The following LHFPL2 variants were observed in gnomAD, a reference collection of about 807,000 sequenced individuals.
LHFPL2 encodes the protein LHFPL tetraspan subfamily member 2.
A neutral mutation model predicts 17.5 loss-of-function variants in LHFPL2; 7 were observed. The observed-to-expected ratio is 0.40, with a 90% CI of 0.23 to 0.75. The LOEUF is 0.75. Among genes scored for constraint, LHFPL2 ranks in the 30% least tolerant of loss-of-function variants. The pLI is 0.37. For missense variants in LHFPL2, 241 were observed against 294.8 expected, an observed-to-expected ratio of 0.82 and a Z score of 1.34; for synonymous variants, 134 against 116.2, an observed-to-expected ratio of 1.15 and a Z score of -0.99.
At chr5:78,620,634 A>G (rs1177580687) in intron 2 of LHFPL2, among the ~76,000 whole-genome samples, 1 of 152,160 alleles carries the variant, frequency 6.6e-6, no homozygotes, top group Admixed American at 6.5e-5. Context: ...ATGGGGAAGC[A>G]AGGTTCTACT....
In LHFPL2 at chr5:78,487,765, G is replaced by A. The variant is rs886412628; in HGVS notation, c.*1132C>T. The A allele has an allele frequency of 6.6e-6, 1 of 152,178 alleles. No individual in the cohort carries two copies. The highest frequency in any genetic ancestry group is 2.4e-5 in the African/African-American group (1 of 41,444). The allele number at this position is 152,178 out of a possible 1,614,324, so 9.4% of individuals were successfully genotyped here. A position where few individuals can be genotyped will look rare whatever the true frequency, so the allele number is the denominator to read the frequency against. On this transcript the variant is annotated 3_prime_UTR_variant, in exon 5 of 5. Coordinates refer to ENST00000380345, the MANE Select transcript of LHFPL2 (RefSeq NM_005779.3). ...TAACTTTGTCCTCTGTGCTTTCCTGGAATTAAGGTCTTGGCTGCAGTTCTT... is the reference window on the plus strand; with the variant it reads ...TAACTTTGTCCTCTGTGCTTTCCTGAAATTAAGGTCTTGGCTGCAGTTCTT...
At chr5:78,529,551 T>C (rs1755718129) in intron 3 of LHFPL2, among the ~76,000 whole-genome samples, 1 of 152,040 alleles carries the variant, frequency 6.6e-6, no homozygotes, top group African/African-American at 2.4e-5. Flanking sequence ...AAGGCTGGCA[T>C]GTAGCATACG....
intron 2 of LHFPL2, among the ~76,000 whole-genome samples, chr5:78,603,038 G>A (rs1339816124): frequency 3.3e-5 from 5 of 152,122 alleles, no homozygotes; most frequent in East Asian, 1.9e-4. Context: ...CTACAGGCGC[G>A]TGCCACCACA....
intron 4 of LHFPL2, among the ~76,000 whole-genome samples, chr5:78,504,879 T>A (rs955370674): frequency 4.6e-5 from 7 of 152,228 alleles, no homozygotes; most frequent in African/African-American, 7.2e-5. Context: ...TTGCTAAGGC[T>A]GTCCTGCTGG....
chr5:78,531,192 G>A (rs1755771906), intron 3 of LHFPL2, among the ~76,000 whole-genome samples: 1 of 151,782 alleles, frequency 6.6e-6, no homozygotes, highest in Non-Finnish European at 1.5e-5. Context: ...GAGGCAGGCG[G>A]ATCACCTGAG....
intron 3 of LHFPL2, among the ~76,000 whole-genome samples, chr5:78,555,420 T>C (rs1756546025): frequency 6.6e-6 from 1 of 152,210 alleles, no homozygotes; most frequent in South Asian, 2.1e-4. Context: ...TATTTCTAAT[T>C]GGGAAAACAG....
At chr5:78,616,947 C>T (rs1257264068) in intron 2 of LHFPL2, among the ~76,000 whole-genome samples, 1 of 152,178 alleles carries the variant, frequency 6.6e-6, no homozygotes, top group African/African-American at 2.4e-5. Context: ...TCTGGAAGAA[C>T]TCATAAGGTA....
intron 1 of LHFPL2, among the ~76,000 whole-genome samples, chr5:78,634,658 G>A (rs1004243597): frequency 6.6e-6 from 1 of 152,160 alleles, no homozygotes; most frequent in Non-Finnish European, 1.5e-5. Context: ...ATAGCCATAT[G>A]GACTCACCTG....
At chr5:78,607,824 G>C (rs1580853261) in intron 2 of LHFPL2, among the ~76,000 whole-genome samples, 1 of 152,184 alleles carries the variant, frequency 6.6e-6, no homozygotes, top group African/African-American at 2.4e-5. Flanking sequence ...TATGCATCTT[G>C]CTTGTTGTTG....
At chr5:78,533,503 G>GT (rs1040522294) in intron 3 of LHFPL2, among the ~76,000 whole-genome samples, 27 of 152,324 alleles carry the variant, frequency 1.8e-4, no homozygotes, top group African/African-American at 5.5e-4. Flanking sequence ...TATGGAAAAG[G>GT]TAAGTATAAG....
intron 2 of LHFPL2, among the ~76,000 whole-genome samples, chr5:78,592,620 A>G (rs1358376589): frequency 8.1e-6 from 1 of 123,502 alleles, no homozygotes; most frequent in East Asian, 2.1e-4. Flanking sequence ...AAAAATTCAG[A>G]TACACACACA....
chr5:78,593,214 C>G (rs1340855390), intron 2 of LHFPL2, among the ~76,000 whole-genome samples: 1 of 152,112 alleles, frequency 6.6e-6, no homozygotes, highest in African/African-American at 2.4e-5. Flanking sequence ...GGAGCAGACA[C>G]AGTATCTGCA....
intron 3 of LHFPL2, among the ~76,000 whole-genome samples, chr5:78,537,965 T>A (rs556826853): frequency 1.4e-4 from 22 of 152,306 alleles, no homozygotes; most frequent in African/African-American, 4.6e-4. Flanking sequence ...ATGGGGAATG[T>A]GTGAGGCCAT....
At chr5:78,641,236 G>A in intron 1 of LHFPL2, among the ~76,000 whole-genome samples, 1 of 152,168 alleles carries the variant, frequency 6.6e-6, no homozygotes, top group East Asian at 1.9e-4. Context: ...CCACAAACAG[G>A]AAGAGCTTTA....
At chr5:78,542,313 A>C (rs1441792909) in intron 3 of LHFPL2, among the ~76,000 whole-genome samples, 1 of 152,230 alleles carries the variant, frequency 6.6e-6, no homozygotes, top group Non-Finnish European at 1.5e-5. Context: ...CAGTAGGCCA[A>C]TCAAAGAAGC....
intron 4 of LHFPL2, among the ~76,000 whole-genome samples, chr5:78,492,727 G>A (rs1033537306): frequency 6.6e-5 from 10 of 152,232 alleles, no homozygotes; most frequent in African/African-American, 2.4e-4. Flanking sequence ...GTGAGCCTGT[G>A]GAAAGCTTCA....
chr5:78,487,855 T>C lies in LHFPL2; in HGVS notation c.*1042A>G, dbSNP rs900425127. 2.6e-5 allele frequency: 4 copies of C among 152,206 alleles called. No individual in the cohort carries two copies. The highest frequency in any genetic ancestry group is 9.7e-5 in the African/African-American group (4 of 41,448). 9.4% of individuals were successfully genotyped at this position (152,206 alleles called of 1,614,324 possible). On this transcript the variant is annotated 3_prime_UTR_variant, in exon 5 of 5. Transcript: ENST00000380345. ...GATCAACACCAGTAACTACAAAAAC[T>C]TAACTCCCATAACTAGCTTCTTTTT...
intron 2 of LHFPL2, among the ~76,000 whole-genome samples, chr5:78,584,675 T>C (rs1322267864): frequency 1.3e-5 from 2 of 152,196 alleles, no homozygotes; most frequent in South Asian, 2.1e-4. Flanking sequence ...GGAAAACCAC[T>C]GCTCTCTTCA....
chr5:78,552,272 T>C (rs1756465161), intron 3 of LHFPL2, among the ~76,000 whole-genome samples: 1 of 152,136 alleles, frequency 6.6e-6, no homozygotes, highest in African/African-American at 2.4e-5. Flanking sequence ...TAGCTGGGAC[T>C]ACAGGTGCCC....
Sources: allele counts gnomAD v4.1 joint callset (sites outside exome capture counted in the v4.1 genomes callset), GRCh38; gene constraint gnomAD v4.1.1; transcripts MANE v1.5; gene names NCBI Gene and HGNC (gene_info 2026-07-23, HGNC 2026-07-21).